The following CFAP91 variants were observed in gnomAD, a reference collection of about 807,000 sequenced individuals.
The protein encoded by CFAP91 is cilia and flagella associated protein 91, also known as cilia- and flagella-associated protein 91.
CFAP91 carries 85 observed loss-of-function variants against 95.9 expected under a neutral mutation model. That is an observed-to-expected ratio of 0.89 (90% CI 0.74 to 1.06). CFAP91 has a LOEUF of 1.06. Ranked by LOEUF, CFAP91 falls within the 50% of genes least tolerant of loss-of-function variation. The pLI, the probability that CFAP91 is intolerant of heterozygous loss-of-function variation, is 0.00. For missense variants in CFAP91, 962 were observed against 943.4 expected (o/e 1.02, Z -0.26); for synonymous variants, 335 against 327.5 (o/e 1.02, Z -0.25).
At chr3:119,739,133 CT>C (rs1329532763) in intron 11 of CFAP91, 121 bp from the exon 12 acceptor site, 1 of 757,064 alleles carries the variant, frequency 1.3e-6, no homozygotes, top group Non-Finnish European at 2.3e-6. Flanking sequence ...TCTTTTATTT[CT>C]CTTTAAATCT....
intron 16 of CFAP91, chr3:119,750,729 G>T: frequency 1.8e-6 from 1 of 568,402 alleles, no homozygotes; most frequent in Admixed American, 3.0e-5. Flanking sequence ...GGAAACTGCT[G>T]AGGAGTGGAA....
At chr3:119,715,381 G>A (rs1377563053) in intron 5 of CFAP91, 181 bp from the exon 6 acceptor site, 8 of 710,838 alleles carry the variant, frequency 1.1e-5, no homozygotes, top group Non-Finnish European at 1.8e-5. Flanking sequence ...GAATAACAAG[G>A]CAATTCTCTC....
chr3:119,720,256 G>A (rs2053656377), intron 6 of CFAP91, among the ~76,000 whole-genome samples: 2 of 150,966 alleles, frequency 1.3e-5, no homozygotes, highest in South Asian at 4.2e-4. Flanking sequence ...AATTAGCTGG[G>A]CGCGGTGGCG....
rs1305230613 is a variant in CFAP91 at position 119,766,062 on chromosome 3, A to C, written c.*1012A>C. The C allele has an allele frequency of 6.6e-6, 1 of 152,230 alleles. No homozygotes were observed. Among genetic ancestry groups the C allele is most frequent in the Non-Finnish European group, 1.5e-5 (1 of 68,036 alleles). The allele number at this position is 152,230 out of a possible 1,614,324, so 9.4% of individuals were successfully genotyped here. A position where few individuals can be genotyped will look rare whatever the true frequency, so the allele number is the denominator to read the frequency against. On this transcript the variant is annotated 3_prime_UTR_variant, in exon 18 of 18. Coordinates refer to ENST00000273390, the MANE Select transcript of CFAP91 (RefSeq NM_033364.4). ...ATGGGAAAAATATAAAAAGATTTAA[A>C]ATCCAGCAACAAAATTTACACATTC...
At chr3:119,755,289 T>C (rs1437424441) in intron 17 of CFAP91, among the ~76,000 whole-genome samples, 1 of 152,182 alleles carries the variant, frequency 6.6e-6, no homozygotes, top group Non-Finnish European at 1.5e-5. Flanking sequence ...TGGGGTAGAA[T>C]GCTTGTGGAT....
intron 7 of CFAP91, among the ~76,000 whole-genome samples, chr3:119,728,204 A>T (rs1194445529): frequency 6.6e-6 from 1 of 152,150 alleles, no homozygotes; most frequent in Non-Finnish European, 1.5e-5. Context: ...AGAGCATGGA[A>T]CACTTATAGA....
At chr3:119,728,979 T>G (rs1186797283) in intron 7 of CFAP91, among the ~76,000 whole-genome samples, 1 of 152,224 alleles carries the variant, frequency 6.6e-6, no homozygotes, top group East Asian at 1.9e-4. Context: ...TACATCATTG[T>G]TCCTGCCTGG....
intron 11 of CFAP91, among the ~76,000 whole-genome samples, chr3:119,737,994 A>G (rs2054042775): frequency 1.3e-5 from 2 of 152,248 alleles, no homozygotes; most frequent in Non-Finnish European, 2.9e-5. Flanking sequence ...CAGACTAAAC[A>G]AATCCACAGG....
chr3:119,745,023 G>A (rs2054195282), intron 14 of CFAP91, among the ~76,000 whole-genome samples: 2 of 152,120 alleles, frequency 1.3e-5, no homozygotes, highest in African/African-American at 2.4e-5. Context: ...TGGTAAAAAA[G>A]CTTCTTAGGA....
chr3:119,764,568 A>G (rs1326223570), intron 17 of CFAP91, among the ~76,000 whole-genome samples: 5 of 152,282 alleles, frequency 3.3e-5, no homozygotes, highest in African/African-American at 1.2e-4. Flanking sequence ...AATGAAATAA[A>G]GGCATACATG....
chr3:119,747,521 C>T (rs983412461), intron 15 of CFAP91: 20 of 559,590 alleles, frequency 3.6e-5, no homozygotes, highest in Admixed American at 2.7e-4. Context: ...AATGTGAATA[C>T]GTGTGTGCAA....
intron 7 of CFAP91, among the ~76,000 whole-genome samples, chr3:119,727,451 A>G (rs1380185766): frequency 1.3e-5 from 2 of 152,246 alleles, no homozygotes; most frequent in Non-Finnish European, 2.9e-5. Context: ...GTATCTGGCC[A>G]GAGTGAAAAC....
At chr3:119,723,053 A>C (rs1161283512) in intron 6 of CFAP91, among the ~76,000 whole-genome samples, 1 of 152,178 alleles carries the variant, frequency 6.6e-6, no homozygotes, top group African/African-American at 2.4e-5. Flanking sequence ...GTAAATTAGC[A>C]CTTTTCATCT....
In CFAP91 at chr3:119,707,429, T is replaced by G. The variant is rs2053386988; in HGVS notation, c.227T>G (p.Met76Arg). ...RLRKVPRFKTMFSNLIHYPRY... is the reference protein window; with the variant it reads ...RLRKVPRFKTRFSNLIHYPRY... ...AGAAAAGTTCCCAGGTTTAAAACCA[T>G]GTTCAGTAACCTGATCCATTATCCA... The change falls in exon 3 of 18, where the codon ATG becomes AGG. Residue 76 changes from methionine to arginine, a missense_variant. Physicochemically the swap from Met to Arg is moderately conservative, Grantham distance 91. Transcript: ENST00000273390. 6.3e-7 allele frequency: 1 copy of G among 1,575,594 alleles called. No individual in the cohort carries two copies. The highest frequency in any genetic ancestry group is 8.7e-7 in the Non-Finnish European group (1 of 1,154,944).
At chr3:119,730,800 A>G (rs1386909387) in intron 8 of CFAP91, among the ~76,000 whole-genome samples, 1 of 152,138 alleles carries the variant, frequency 6.6e-6, no homozygotes, top group Non-Finnish European at 1.5e-5. Flanking sequence ...TTAATACCGC[A>G]GATATAACAT....
intron 16 of CFAP91, among the ~76,000 whole-genome samples, chr3:119,748,575 G>A (rs1026111646): frequency 6.6e-6 from 1 of 152,242 alleles, no homozygotes; most frequent in African/African-American, 2.4e-5. Context: ...TAGCAGCTCA[G>A]AAGTATTGAA....
At chr3:119,740,867 G>GTA in intron 13 of CFAP91, 172 bp downstream of exon 13, 1 of 757,928 alleles carries the variant, frequency 1.3e-6, no homozygotes, top group Non-Finnish European at 2.1e-6. Context: ...GTGTGTGTGT[G>GTA]TGTGTGTGAT....
rs1157079132 is a variant in CFAP91, at chr3:119,726,778, C to G, written c.860+430C>G. 4.6e-5 allele frequency among the ~76,000 whole-genome samples: 7 copies of G among 152,010 alleles called. No individual in the cohort carries two copies. In the South Asian group the frequency reaches 8.3e-4, roughly 18 times the overall value. On this transcript the variant is annotated intron_variant, in intron 7 of 17. Transcript: ENST00000273390. ...CCAGTGCCTGGGCTTTCTTCATACC[C>G]CTTCAAACAGCCTTGGCACTAGTCC...
chr3:119,732,866 G>A (rs1184321585), intron 9 of CFAP91, among the ~76,000 whole-genome samples: 1 of 152,206 alleles, frequency 6.6e-6, no homozygotes, highest in Non-Finnish European at 1.5e-5. Flanking sequence ...CAGGTGATAA[G>A]TTCACGGAGA....
Sources: allele counts gnomAD v4.1 joint callset (sites outside exome capture counted in the v4.1 genomes callset), GRCh38; gene constraint gnomAD v4.1.1; transcripts MANE v1.5; gene names NCBI Gene and HGNC (gene_info 2026-07-23, HGNC 2026-07-21).